Variants in STARD13 observed in about 807,000 individuals in gnomAD.
STARD13 encodes stAR-related lipid transfer protein 13.
STARD13 carries 62 observed loss-of-function variants against 106.4 expected under a neutral mutation model. That is an observed-to-expected ratio of 0.58 (90% confidence interval 0.48 to 0.72). The LOEUF (loss-of-function observed/expected upper bound fraction) is 0.72, where lower values mean the gene tolerates loss of function less well. Ranked by LOEUF, STARD13 falls within the 30% of genes least tolerant of loss-of-function variation. The pLI, the probability that STARD13 is intolerant of heterozygous loss-of-function variation, is 0.00. For synonymous variants in STARD13, 565 were observed against 553.0 expected, an observed-to-expected ratio of 1.02 and a Z score of -0.31; for missense variants, 1,387 against 1,424.0, an observed-to-expected ratio of 0.97 and a Z score of 0.42.
the STARD13 span, among the ~76,000 whole-genome samples, chr13:33,465,839 T>C: frequency 6.6e-6 from 1 of 152,214 alleles, no homozygotes; most frequent in South Asian, 2.1e-4. Context: ...ACGAGATACA[T>C]GCACTGGTAT....
intron 1 of STARD13, among the ~76,000 whole-genome samples, chr13:33,256,402 A>G (rs895819445): frequency 6.6e-6 from 1 of 152,166 alleles, no homozygotes; most frequent in East Asian, 1.9e-4. Flanking sequence ...CTTGCAAATG[A>G]TCACCAGGTA....
downstream of STARD13, among the ~76,000 whole-genome samples, chr13:33,345,959 C>T (rs2078012530): frequency 6.6e-6 from 1 of 152,182 alleles, no homozygotes; most frequent in South Asian, 2.1e-4. Flanking sequence ...GGTATCCAGC[C>T]TCCAGTTTGG....
At chr13:33,185,868 C>A (rs1885710365) in intron 1 of STARD13, 8 of 1,613,968 alleles carry the variant, frequency 5.0e-6, no homozygotes, top group Non-Finnish European at 6.8e-6. Context: ...CCTTCTGATC[C>A]AGCACTTACC....
At chr13:33,377,754 A>G in the STARD13 span, among the ~76,000 whole-genome samples, 6 of 152,158 alleles carry the variant, frequency 3.9e-5, no homozygotes, top group Non-Finnish European at 8.8e-5. Context: ...CACTTAGAGC[A>G]GGAAGGTGTG....
At chr13:33,162,415 T>G (rs986342325) in intron 3 of STARD13, among the ~76,000 whole-genome samples, 10 of 152,258 alleles carry the variant, frequency 6.6e-5, no homozygotes, top group African/African-American at 2.2e-4. Flanking sequence ...TTGACACTTA[T>G]GCAAATTTCT....
chr13:33,155,681 T>C lies in STARD13; in HGVS notation c.323+9656A>G, dbSNP rs1272653910. ...AAATCATTTTTTATACAAAATAATA[T>C]ATACTAGCAAAATCCCCTATCTTTG... On this transcript the variant is annotated intron_variant, in intron 3 of 13. Transcript: ENST00000336934. The C allele has an allele frequency of 2.0e-5, 3 of 152,258 alleles. No homozygotes were observed. The East Asian group carries it at 5.8e-4, about 29-fold the overall frequency. The allele number at this position is 152,258 out of a possible 1,614,324, so 9.4% of individuals were successfully genotyped here.
At chr13:33,230,568 T>A (rs547047804) in intron 1 of STARD13, among the ~76,000 whole-genome samples, 1 of 152,362 alleles carries the variant, frequency 6.6e-6, no homozygotes, top group South Asian at 2.1e-4. Flanking sequence ...GTAAGCTATA[T>A]CCACTTTTTT....
intron 1 of STARD13, among the ~76,000 whole-genome samples, chr13:33,228,504 T>C (rs1888736453): frequency 6.6e-6 from 1 of 152,114 alleles, no homozygotes; most frequent in Non-Finnish European, 1.5e-5. Context: ...GACTCCTTAG[T>C]GAAAGAAACT....
At chr13:33,426,062 C>T in the STARD13 span, among the ~76,000 whole-genome samples, 1 of 152,108 alleles carries the variant, frequency 6.6e-6, no homozygotes, top group African/African-American at 2.4e-5. Context: ...ATAAATTGTA[C>T]AATTTCTCTA....
At chr13:33,542,265 G>A in the STARD13 span, among the ~76,000 whole-genome samples, 2 of 152,132 alleles carry the variant, frequency 1.3e-5, no homozygotes, top group Non-Finnish European at 2.9e-5. Flanking sequence ...GATTTAGAGG[G>A]GAAGGCTGGG....
At chr13:33,469,510 A>ATT in the STARD13 span, among the ~76,000 whole-genome samples, 1 of 152,242 alleles carries the variant, frequency 6.6e-6, no homozygotes, top group Admixed American at 6.5e-5. Context: ...TAAAGCTGAA[A>ATT]TAACTTACAT....
Position 33,129,965 on chromosome 13 carries a change from C to T in STARD13, c.712G>A (p.Asp238Asn), listed in dbSNP as rs770946795. ...GGGTGGAAGGGGTGGTTGAGGACAT[C>T]TCTGGGGGGCTGTGGGAGGCTGCTG... ...VSSSLPQPPR[D>N]VLNHPFHPKN... The change falls in exon 5 of 14, where the codon GAT becomes AAT. Residue 238 changes from aspartate (D) to asparagine (N), a missense_variant. By Grantham distance (23) the Asp-to-Asn change is conservative. Transcript: ENST00000336934. The T allele has an allele frequency of 2.5e-6, 4 of 1,613,330 alleles. No homozygotes were observed. The South Asian group carries it at 4.4e-5, about 18-fold the overall frequency.
At chr13:33,510,177 C>G in the STARD13 span, among the ~76,000 whole-genome samples, 1 of 152,094 alleles carries the variant, frequency 6.6e-6, no homozygotes, top group African/African-American at 2.4e-5. Context: ...GGTTGCCAAG[C>G]CACGATGAGC....
chr13:33,422,393 T>C, the STARD13 span, among the ~76,000 whole-genome samples: 2 of 152,242 alleles, frequency 1.3e-5, no homozygotes, highest in South Asian at 2.1e-4. Context: ...TTACAAAGGA[T>C]GGGAAGGATC....
At chr13:33,148,729 A>C (rs1320222769) in intron 3 of STARD13, among the ~76,000 whole-genome samples, 1 of 152,242 alleles carries the variant, frequency 6.6e-6, no homozygotes, top group Admixed American at 6.5e-5. Context: ...GCATTTACTC[A>C]AATGAATGGA....
the STARD13 span, among the ~76,000 whole-genome samples, chr13:33,411,287 A>G: frequency 1.3e-5 from 2 of 152,244 alleles, no homozygotes; most frequent in Non-Finnish European, 2.9e-5. Flanking sequence ...GATAACAGGC[A>G]GAAACTGTTT....
intron 1 of STARD13, among the ~76,000 whole-genome samples, chr13:33,243,518 C>A (rs924805740): frequency 2.6e-5 from 4 of 152,130 alleles, no homozygotes; most frequent in Non-Finnish European, 1.5e-5. Context: ...TCCTATGGGT[C>A]ATAGGGATTT....
At chr13:33,262,770 G>A (rs987182041) in intron 1 of STARD13, among the ~76,000 whole-genome samples, 2 of 151,496 alleles carry the variant, frequency 1.3e-5, no homozygotes, top group African/African-American at 4.9e-5. Flanking sequence ...AGGCCTTACC[G>A]AAATCTTCAC....
the STARD13 span, among the ~76,000 whole-genome samples, chr13:33,572,156 G>A: frequency 6.6e-6 from 1 of 152,146 alleles, no homozygotes; most frequent in African/African-American, 2.4e-5. Context: ...TCCCTTTCCA[G>A]GTACCAGAAT....
Sources: gnomAD v4.1 joint callset for allele counts (sites outside exome capture counted in the v4.1 genomes callset) on GRCh38, gnomAD v4.1.1 for gene constraint, MANE v1.5 for transcripts, NCBI Gene and HGNC (gene_info 2026-07-23, HGNC 2026-07-21) for gene names.